Variants in NUP50 observed in about 807,000 individuals in gnomAD.
NUP50 encodes the protein nucleoporin 50.
A neutral mutation model predicts 36.8 loss-of-function variants in NUP50; 14 were observed. That is an observed-to-expected ratio of 0.38 (90% confidence interval 0.25 to 0.59). The LOEUF is 0.59. Among genes scored for constraint, NUP50 ranks in the 20% least tolerant of loss-of-function variants. The pLI is 0.63. For synonymous variants in NUP50, 195 were observed against 210.8 expected, an observed-to-expected ratio of 0.93 and a Z score of 0.65; for missense variants, 455 against 564.6, an observed-to-expected ratio of 0.81 and a Z score of 1.97.
chr22:45,164,567 T>G (rs1474844611), intron 1 of NUP50: 1 of 143,372 alleles, frequency 7.0e-6, no homozygotes, highest in African/African-American at 2.7e-5. Context: ...GGGCTAGAGG[T>G]CGGGACTCTA....
At chr22:45,180,509 G>A (rs1227786424) in intron 5 of NUP50, among the ~76,000 whole-genome samples, 2 of 152,152 alleles carry the variant, frequency 1.3e-5, no homozygotes, top group Non-Finnish European at 2.9e-5. Flanking sequence ...AAGTAGCTGG[G>A]TCCACAGGCA....
rs186493907 is a variant in NUP50, at chr22:45,185,141, C to G, written c.*486C>G. ...TTACCAAATGAACCGGGCTGCCACGCTGTGACAGGCGTTTGTCCTCTGCTT... is the reference window on the plus strand; with the variant it reads ...TTACCAAATGAACCGGGCTGCCACGGTGTGACAGGCGTTTGTCCTCTGCTT... On this transcript the variant is annotated 3_prime_UTR_variant, in exon 8 of 8. Transcript: ENST00000347635. The G allele has an allele frequency of 1.3e-3, 226 of 175,986 alleles. 3 individuals are homozygous for G. The highest frequency in any genetic ancestry group is 5.1e-3 in the African/African-American group (212 of 41,794). The allele number at this position is 175,986 out of a possible 1,614,324, so 10.9% of individuals were successfully genotyped here. A position where few individuals can be genotyped will look rare whatever the true frequency, so the allele number is the denominator to read the frequency against.
chr22:45,170,987 G>T, intron 2 of NUP50: 4 of 1,304,030 alleles, frequency 3.1e-6, no homozygotes, highest in Non-Finnish European at 4.0e-6. Flanking sequence ...CGACCCTACA[G>T]GGTAAAAGAA....
At chr22:45,168,473 T>C (rs373599696) in intron 2 of NUP50, among the ~76,000 whole-genome samples, 1 of 152,366 alleles carries the variant, frequency 6.6e-6, no homozygotes, top group South Asian at 2.1e-4. Flanking sequence ...TTAGATGTGC[T>C]TTTCCACTAG....
At chr22:45,170,966 A>G (rs2074182960) in intron 2 of NUP50, 8 of 1,303,252 alleles carry the variant, frequency 6.1e-6, no homozygotes, top group African/African-American at 3.0e-5. Context: ...TGCATGAGAA[A>G]TATTTTATTC....
intron 6 of NUP50, among the ~76,000 whole-genome samples, chr22:45,182,648 G>T (rs1186106703): frequency 1.1e-5 from 1 of 91,938 alleles, no homozygotes; most frequent in African/African-American, 4.9e-5. Context: ...TTTTTGAGAC[G>T]GAGTCTCTTT....
chr22:45,175,844 G>A (rs2074268007), intron 3 of NUP50, 50 bp from the exon 4 acceptor site: 2 of 1,581,478 alleles, frequency 1.3e-6, no homozygotes, highest in African/African-American at 1.4e-5. Context: ...CTTGCTTTTT[G>A]GTAATAGAAA....
chr22:45,183,998 A>G (rs2075954), intron 7 of NUP50: 9,140 of 200,654 alleles, frequency 0.046, 626 homozygotes, highest in African/African-American at 0.15. Context: ...CCAGGGAGGC[A>G]TTTTTCTTTC....
intron 7 of NUP50, chr22:45,184,238 G>A (rs2074431552): frequency 1.7e-6 from 1 of 573,582 alleles, no homozygotes; most frequent in African/African-American, 1.9e-5. Flanking sequence ...ACCCGGGCTG[G>A]AGGGAGGACG....
At chr22:45,170,962 A>G (rs132874) in intron 2 of NUP50, 215,770 of 1,301,046 alleles carry the variant, frequency 0.17, 20,592 homozygotes, top group East Asian at 0.57. Context: ...TTTTTGCATG[A>G]GAAATATTTT....
At chr22:45,169,328 C>G (rs1031517132) in intron 2 of NUP50, among the ~76,000 whole-genome samples, 2 of 152,078 alleles carry the variant, frequency 1.3e-5, no homozygotes, top group Non-Finnish European at 2.9e-5. Context: ...TGTGATTGCA[C>G]CACTGCACTC....
Position 45,175,957 on chromosome 22 carries a change from T to C in NUP50, c.217T>C (p.Phe73Leu). Residue 73 changes from phenylalanine to leucine, a missense_variant, in exon 4 of 8, where the codon TTT becomes CTT. By Grantham distance (22) the Phe-to-Leu change is conservative. This residue lies in a region of NUP50 where 166 missense variants were observed against 202.8 expected (regional missense o/e 0.82). Transcript: ENST00000347635. ...GLVVPSGGGR[F>L]SGFGSGAGGK... The stretch of plus-strand genomic sequence containing the variant: ...GGTGGTACCTTCTGGAGGAGGACGC[T>C]TTTCTGGATTTGGTAGTGGCGCTGG... The C allele has an allele frequency of 6.2e-7, 1 of 1,614,060 alleles. No homozygotes were observed. Among genetic ancestry groups the C allele is most frequent in the Non-Finnish European group, 8.5e-7 (1 of 1,180,026 alleles).
intron 7 of NUP50, chr22:45,184,197 G>C: frequency 2.0e-6 from 1 of 500,706 alleles, no homozygotes; most frequent in Non-Finnish European, 3.6e-6. Context: ...GAGGCTGCTG[G>C]CTCTGAGAGA....
intron 1 of NUP50, chr22:45,164,543 G>C (rs2074063260): frequency 6.5e-6 from 1 of 152,786 alleles, no homozygotes; most frequent in South Asian, 1.9e-4. Context: ...CGGGACCCTG[G>C]GAAGTGGGGT....
At chr22:45,183,621 G>A (rs2075952) in intron 7 of NUP50, 101 bp downstream of exon 7, 10 of 778,210 alleles carry the variant, frequency 1.3e-5, no homozygotes, top group African/African-American at 5.1e-5. Context: ...TAAACAGAGC[G>A]CATTCAGGCC....
In NUP50 at chr22:45,168,263, C is replaced by T. The variant is rs1369162565; in HGVS notation, c.69+17C>T. The T allele has an allele frequency of 6.3e-7, 1 of 1,586,432 alleles. No individual in the cohort carries two copies. The highest frequency in any genetic ancestry group is 8.6e-7 in the Non-Finnish European group (1 of 1,165,000). On this transcript the variant is annotated intron_variant, in intron 2 of 7. Coordinates refer to ENST00000347635, the MANE Select transcript of NUP50 (RefSeq NM_007172.4). ...GCTGAAGAGGTAAAAAGCAGCTTCC[C>T]TAAGAATGATTTCCTGTTTCTTTTG... is the stretch of plus-strand genomic sequence containing the variant.
At chr22:45,181,662 C>T (rs1019669960) in intron 6 of NUP50, among the ~76,000 whole-genome samples, 5 of 152,146 alleles carry the variant, frequency 3.3e-5, no homozygotes, top group Non-Finnish European at 5.9e-5. Flanking sequence ...CATTCCATCC[C>T]GTCTTCTCTC....
intron 2 of NUP50, 27 bp downstream of exon 2, chr22:45,168,273 T>C (rs2074126751): frequency 1.9e-6 from 3 of 1,567,036 alleles, no homozygotes; most frequent in Non-Finnish European, 2.6e-6. Flanking sequence ...CTAAGAATGA[T>C]TTCCTGTTTC....
Position 45,184,873 on chromosome 22 carries a change from A to G in NUP50, c.*218A>G. ...AAGAACTGCCTAAAGTGTAAAATAC[A>G]TTTGAATGCAATTTTTGGAAGATTT... On this transcript the variant is annotated 3_prime_UTR_variant, in exon 8 of 8. Coordinates refer to ENST00000347635, the MANE Select transcript of NUP50 (RefSeq NM_007172.4). The G allele has an allele frequency of 1.7e-6, 1 of 576,562 alleles. No individual in the cohort carries two copies. The highest frequency in any genetic ancestry group is 3.1e-6 in the Non-Finnish European group (1 of 319,580). 35.7% of individuals were successfully genotyped at this position (576,562 alleles called of 1,614,324 possible). A position where few individuals can be genotyped will look rare whatever the true frequency, so the allele number is the denominator to read the frequency against.
Sources: allele counts gnomAD v4.1 joint callset (sites outside exome capture counted in the v4.1 genomes callset), GRCh38; gene constraint gnomAD v4.1.1; regional missense constraint gnomAD v4.1.1; transcripts MANE v1.5; gene names NCBI Gene and HGNC (gene_info 2026-07-23, HGNC 2026-07-21).